LRRC61: variants seen among roughly 807,000 people sequenced by gnomAD.
LRRC61 encodes leucine-rich repeat-containing protein 61.
Under a neutral mutation model 15.1 loss-of-function variants are expected in LRRC61, and 9 were observed. The ratio of observed to expected loss-of-function variants is 0.60; its 90% CI spans 0.36 to 1.04. LRRC61 has a LOEUF of 1.04. Among genes scored for constraint, LRRC61 ranks in the 50% least tolerant of loss-of-function variants. The pLI is 0.01. For missense variants in LRRC61, 344 were observed against 335.6 expected, an observed-to-expected ratio of 1.03 and a Z score of -0.20; for synonymous variants, 173 against 158.6, an observed-to-expected ratio of 1.09 and a Z score of -0.68.
At chr7:150,327,192 T>G (rs558485097) in intron 2 of LRRC61, among the ~76,000 whole-genome samples, 1 of 152,214 alleles carries the variant, frequency 6.6e-6, no homozygotes, top group East Asian at 1.9e-4. Context: ...CTTTATGTAT[T>G]CATTATATCT....
chr7:150,329,066 A>C (rs1798027787), intron 2 of LRRC61, among the ~76,000 whole-genome samples: 1 of 152,218 alleles, frequency 6.6e-6, no homozygotes, highest in Admixed American at 6.5e-5. Context: ...TCTCCCGTGA[A>C]ACATTTTCAA....
upstream of LRRC61, among the ~76,000 whole-genome samples, chr7:150,318,493 G>T (rs974462679): frequency 1.3e-5 from 2 of 152,180 alleles, no homozygotes; most frequent in Admixed American, 6.5e-5. Flanking sequence ...GCCAGTTGCG[G>T]TGGCTCACGC....
chr7:150,325,483 T>C (rs1390175279), intron 1 of LRRC61, among the ~76,000 whole-genome samples: 1 of 152,234 alleles, frequency 6.6e-6, no homozygotes, highest in East Asian at 1.9e-4. Flanking sequence ...ACTTCTTTTT[T>C]TTGAGACAGG....
the LRRC61 span, among the ~76,000 whole-genome samples, chr7:150,314,230 T>C: frequency 6.6e-6 from 1 of 152,246 alleles, no homozygotes; most frequent in Non-Finnish European, 1.5e-5. Context: ...TGACTTTATG[T>C]GACCAGTTTT....
At chr7:150,310,672 C>T in the LRRC61 span, among the ~76,000 whole-genome samples, 1 of 152,174 alleles carries the variant, frequency 6.6e-6, no homozygotes, top group Non-Finnish European at 1.5e-5. Context: ...CTGACCCTGA[C>T]ACCCACCAGT....
At chr7:150,315,865 A>C in the LRRC61 span, among the ~76,000 whole-genome samples, 1 of 152,148 alleles carries the variant, frequency 6.6e-6, no homozygotes, top group Admixed American at 6.5e-5. Context: ...TATCCTGAAA[A>C]GTCAGTCCAT....
chr7:150,336,955 T>C lies in LRRC61; in HGVS notation c.94T>C (p.Ser32Pro), dbSNP rs766581439. The change falls in exon 3 of 3, where the codon TCC (serine) becomes CCC (proline). Residue 32 changes from serine (S) to proline (P), a missense_variant. Physicochemically the swap from Ser to Pro is moderately conservative, Grantham distance 74. Transcript: ENST00000359623. ...KSRTGEFSLE[S>P]ILLLKLRGLG... ...ACGCACAGGCGAGTTCTCCCTGGAG[T>C]CCATCCTGCTACTGAAGCTGCGTGG... The C allele has an allele frequency of 6.2e-7, 1 of 1,613,810 alleles. No individual in the cohort carries two copies. Among genetic ancestry groups the C allele is most frequent in the South Asian group, 1.1e-5 (1 of 91,082 alleles).
chr7:150,328,718 C>T (rs756880272), intron 2 of LRRC61: 3 of 152,256 alleles, frequency 2.0e-5, no homozygotes, highest in Admixed American at 6.5e-5. Context: ...TTACGGGGCT[C>T]CCTTGAACCC....
intron 2 of LRRC61, among the ~76,000 whole-genome samples, chr7:150,326,553 C>G (rs112540351): frequency 0.012 from 1,835 of 151,922 alleles, 39 homozygotes; most frequent in African/African-American, 0.043. Context: ...TGTGGTGGTG[C>G]ACATCTGAAG....
chr7:150,331,012 A>G, intron 2 of LRRC61: 1 of 1,611,766 alleles, frequency 6.2e-7, no homozygotes, highest in South Asian at 1.1e-5. Flanking sequence ...CTGTGGGAGA[A>G]TGAGACCGTT....
chr7:150,313,562 A>C, the LRRC61 span, among the ~76,000 whole-genome samples: 1 of 152,198 alleles, frequency 6.6e-6, no homozygotes, highest in African/African-American at 2.4e-5. Flanking sequence ...AATTCCGGTT[A>C]GCTCTTCCTG....
rs762287680 is a variant in LRRC61, at chr7:150,337,623, C to T, written c.762C>T (p.Thr254=). The change falls in exon 3 of 3, where the codon ACC becomes ACT. Residue 254 remains threonine, a synonymous_variant. Transcript: ENST00000359623. The part of the protein sequence containing the change: ...AEQVLSSAGP[T]SSFVF ...AGGTACTCAGCTCTGCGGGCCCCACCTCTTCCTTCGTCTTCTGAACGTGGC... is the reference window on the plus strand; with the variant it reads ...AGGTACTCAGCTCTGCGGGCCCCACTTCTTCCTTCGTCTTCTGAACGTGGC... 6.5e-7 allele frequency: 1 copy of T among 1,527,888 alleles called. No individual in the cohort carries two copies. The highest frequency in any genetic ancestry group is 2.2e-5 in the Admixed American group (1 of 45,440). 94.6% of individuals were successfully genotyped at this position (1,527,888 alleles called of 1,614,324 possible). A position where few individuals can be genotyped will look rare whatever the true frequency, so the allele number is the denominator to read the frequency against.
In LRRC61 at chr7:150,337,307, C is replaced by T. The variant is rs893908814; in HGVS notation, c.446C>T (p.Ala149Val). Residue 149 changes from alanine (A) to valine (V), a missense_variant, in exon 3 of 3, where the codon GCA becomes GTA. By Grantham distance (64) the Ala-to-Val change is moderately conservative (BLOSUM62 0). Transcript: ENST00000359623. ...PLCANPSYWA[A>V]VRELLPGLKV... ...TGTGCCAACCCCTCCTACTGGGCTGCAGTCCGGGAGCTGCTGCCTGGCCTG... is the reference window on the plus strand; with the variant it reads ...TGTGCCAACCCCTCCTACTGGGCTGTAGTCCGGGAGCTGCTGCCTGGCCTG... 6.2e-7 allele frequency: 1 copy of T among 1,603,664 alleles called. No homozygotes were observed. The highest frequency in any genetic ancestry group is 8.5e-7 in the Non-Finnish European group (1 of 1,179,920).
chr7:150,334,436 T>TGTC (rs747346991), intron 2 of LRRC61, among the ~76,000 whole-genome samples: 116 of 134,012 alleles, frequency 8.7e-4, no homozygotes, highest in Middle Eastern at 7.4e-3. Context: ...GCATAGGACA[T>TGTC]CTTCCACATT....
At chr7:150,318,687 G>A (rs1055748026), upstream of LRRC61, among the ~76,000 whole-genome samples, 3 of 152,148 alleles carry the variant, frequency 2.0e-5, no homozygotes, top group Non-Finnish European at 4.4e-5. Flanking sequence ...GCTTGAACCC[G>A]AAGAGCCGAG....
At chr7:150,331,880 C>G (rs911832419) in intron 2 of LRRC61, 1 of 167,110 alleles carries the variant, frequency 6.0e-6, no homozygotes, top group Non-Finnish European at 1.5e-5. Flanking sequence ...CACACATACC[C>G]CCACACACCA....
chr7:150,317,251 T>C, the LRRC61 span, among the ~76,000 whole-genome samples: 1 of 152,198 alleles, frequency 6.6e-6, no homozygotes, highest in East Asian at 1.9e-4. Flanking sequence ...GGTTTCTCCA[T>C]GTTGGCCAGG....
chr7:150,312,965 CA>C, the LRRC61 span, among the ~76,000 whole-genome samples: 1 of 152,114 alleles, frequency 6.6e-6, no homozygotes, highest in African/African-American at 2.4e-5. Context: ...ACTGATTGAC[CA>C]ACCTTATGAC....
At chr7:150,318,513 C>T (rs1387285664), upstream of LRRC61, among the ~76,000 whole-genome samples, 1 of 152,158 alleles carries the variant, frequency 6.6e-6, no homozygotes, top group Non-Finnish European at 1.5e-5. Flanking sequence ...CCTGTAATCC[C>T]AGCACTTTGG....
Sources: allele counts gnomAD v4.1 joint callset (sites outside exome capture counted in the v4.1 genomes callset), GRCh38; gene constraint gnomAD v4.1.1; transcripts MANE v1.5; gene names NCBI Gene and HGNC (gene_info 2026-07-23, HGNC 2026-07-21).